DLGAP2: variants seen among roughly 807,000 people sequenced by gnomAD.
DLGAP2 encodes the protein disks large-associated protein 2.
Under a neutral mutation model 100.3 loss-of-function variants are expected in DLGAP2, and 26 were observed. That is an observed-to-expected ratio of 0.26 (90% CI 0.19 to 0.36). The LOEUF (loss-of-function observed/expected upper bound fraction) is 0.36. DLGAP2 is among the 10% of genes least tolerant of loss of function. The pLI is 1.00. For synonymous variants in DLGAP2, 886 were observed against 630.1 expected (o/e 1.41, Z -6.08); for missense variants, 1,858 against 1,453.2 (o/e 1.28, Z -4.53).
chr8:1,414,590 G>A (rs528935268), intron 3 of DLGAP2, among the ~76,000 whole-genome samples: 29 of 152,322 alleles, frequency 1.9e-4, no homozygotes, highest in African/African-American at 6.7e-4. Context: ...GGCAGAACAC[G>A]GCTGGGAGGG....
Position 1,549,693 on chromosome 8 carries a change from C to T in DLGAP2, c.1230+10C>T. On this transcript the variant is annotated intron_variant, in intron 5 of 14. Coordinates refer to ENST00000637795, the MANE Select transcript of DLGAP2 (RefSeq NM_001346810.2). ...GTGCCACTACCTCCAGGTAAGCAGG[C>T]TCACGGCCCTGTGGAGGCCGTCTCG... 6.5e-7 allele frequency: 1 copy of T among 1,534,984 alleles called. No individual in the cohort carries two copies. The highest frequency in any genetic ancestry group is 8.8e-7 in the Non-Finnish European group (1 of 1,138,854).
At chr8:1,505,974 A>T (rs2130344885) in intron 4 of DLGAP2, among the ~76,000 whole-genome samples, 1 of 152,384 alleles carries the variant, frequency 6.6e-6, no homozygotes, top group South Asian at 2.1e-4. Context: ...AAGTATATTA[A>T]GCACATATTA....
rs1343446012 is a variant in DLGAP2 at position 1,677,922 on chromosome 8, T to C, written c.2289-292T>C. 2.6e-5 allele frequency among the ~76,000 whole-genome samples: 4 copies of C among 152,370 alleles called. No individual in the cohort carries two copies. The East Asian group carries it at 5.8e-4, about 22-fold the overall frequency. ...TGAAAGGGAGGTAGCCATTTGCTAA[T>C]GGTGGTTTCAAGAAACACGTTAACT... On this transcript the variant is annotated intron_variant, in intron 11 of 14. Transcript: ENST00000637795.
intron 1 of DLGAP2, among the ~76,000 whole-genome samples, chr8:808,165 GGT>G (rs929205742): frequency 1.2e-4 from 19 of 152,130 alleles, no homozygotes; most frequent in African/African-American, 4.6e-4. Flanking sequence ...TCTGTGTCAT[GGT>G]GTGACACGAG....
At chr8:1,469,610 T>C (rs1798723079) in intron 3 of DLGAP2, among the ~76,000 whole-genome samples, 1 of 152,178 alleles carries the variant, frequency 6.6e-6, no homozygotes, top group African/African-American at 2.4e-5. Context: ...CACTGGCAGC[T>C]CTTGGGCAAC....
At chr8:771,869 G>C (rs1030907282) in intron 1 of DLGAP2, among the ~76,000 whole-genome samples, 2 of 152,170 alleles carry the variant, frequency 1.3e-5, no homozygotes, top group Non-Finnish European at 2.9e-5. Context: ...ATTGTGTCTG[G>C]TGGGGACAGA....
intron 2 of DLGAP2, among the ~76,000 whole-genome samples, chr8:1,242,600 G>C (rs4976863): frequency 6.6e-6 from 1 of 152,042 alleles, no homozygotes; most frequent in African/African-American, 2.4e-5. Flanking sequence ...AGCCCTCTGC[G>C]CCACTCCTCT....
intron 3 of DLGAP2, among the ~76,000 whole-genome samples, chr8:1,481,300 C>T (rs907183954): frequency 6.6e-6 from 1 of 152,012 alleles, no homozygotes; most frequent in South Asian, 2.1e-4. Context: ...TTAAAACAAA[C>T]AAAATAGTGT....
intron 3 of DLGAP2, among the ~76,000 whole-genome samples, chr8:1,408,068 C>T (rs1210104210): frequency 6.6e-6 from 1 of 152,166 alleles, no homozygotes; most frequent in Non-Finnish European, 1.5e-5. Context: ...GTGCCAAATG[C>T]CCCCCAGGGG....
chr8:1,287,210 TGTG>T, intron 3 of DLGAP2, among the ~76,000 whole-genome samples: 1 of 142,844 alleles, frequency 7.0e-6, no homozygotes, highest in Admixed American at 7.0e-5. Flanking sequence ...GTTCAGTGTG[TGTG>T]TGTGTGTGTG....
chr8:1,032,342 T>A (rs966942300), intron 2 of DLGAP2, among the ~76,000 whole-genome samples: 2 of 152,202 alleles, frequency 1.3e-5, no homozygotes, highest in African/African-American at 2.4e-5. Context: ...GACAGTGCCG[T>A]CTGCCTGCCT....
chr8:802,668 T>C (rs1796195083), intron 1 of DLGAP2, among the ~76,000 whole-genome samples: 1 of 152,030 alleles, frequency 6.6e-6, no homozygotes, highest in Admixed American at 6.5e-5. Context: ...TAGACAGGTT[T>C]TCCCTTGATC....
At chr8:1,250,030 G>A (rs1240958509) in intron 2 of DLGAP2, among the ~76,000 whole-genome samples, 1 of 152,094 alleles carries the variant, frequency 6.6e-6, no homozygotes, top group Admixed American at 6.6e-5. Context: ...ACAGGTGCAT[G>A]CTGCCATACC....
chr8:1,288,649 G>A (rs951487879), intron 3 of DLGAP2, among the ~76,000 whole-genome samples: 15 of 140,442 alleles, frequency 1.1e-4, no homozygotes, highest in Non-Finnish European at 2.0e-4. Flanking sequence ...GTGTGTGTAC[G>A]TAGTTAGGAG....
rs556272045 is a variant in DLGAP2, at chr8:1,307,628, C to G, written c.106+48745C>G. On this transcript the variant is annotated intron_variant, in intron 3 of 14. Transcript: ENST00000637795. ...AAGCAGCCCACGTGTGCAATAGACACGTAAATGGATGTATAAGCAAAATGG... is the reference window on the plus strand; with the variant it reads ...AAGCAGCCCACGTGTGCAATAGACAGGTAAATGGATGTATAAGCAAAATGG... 6.6e-5 allele frequency among the ~76,000 whole-genome samples: 10 copies of G among 152,158 alleles called. No homozygotes were observed. The East Asian group carries it at 1.7e-3, about 26-fold the overall frequency.
chr8:1,369,048 C>G (rs1419731049), intron 3 of DLGAP2: 1 of 152,168 alleles, frequency 6.6e-6, no homozygotes, highest in African/African-American at 2.4e-5. Context: ...AGCTAGTTCC[C>G]GCACACACAG....
intron 2 of DLGAP2, among the ~76,000 whole-genome samples, chr8:1,033,864 C>A (rs1802049136): frequency 8.0e-6 from 1 of 125,644 alleles, no homozygotes; most frequent in African/African-American, 3.0e-5. Flanking sequence ...CGAGTGGGTT[C>A]ACAGCCTCAT....
intron 1 of DLGAP2, among the ~76,000 whole-genome samples, chr8:850,330 C>G (rs1585930234): frequency 6.6e-6 from 1 of 152,130 alleles, no homozygotes; most frequent in Non-Finnish European, 1.5e-5. Context: ...GAACCTTCCA[C>G]CTGTTGCTAC....
At chr8:1,440,291 T>C (rs935302066) in intron 3 of DLGAP2, among the ~76,000 whole-genome samples, 5 of 152,228 alleles carry the variant, frequency 3.3e-5, no homozygotes, top group African/African-American at 1.2e-4. Flanking sequence ...TTCAGGGTGT[T>C]ACAGTTTATT....
Sources: gnomAD v4.1 joint callset for allele counts (sites outside exome capture counted in the v4.1 genomes callset) on GRCh38, gnomAD v4.1.1 for gene constraint, MANE v1.5 for transcripts, NCBI Gene and HGNC (gene_info 2026-07-23, HGNC 2026-07-21) for gene names.